The following PIWIL3 variants were observed in gnomAD, a reference collection of about 807,000 sequenced individuals.
PIWIL3 encodes the protein piwi like RNA-mediated gene silencing 3, also known as piwi-like protein 3.
PIWIL3 carries 101 observed loss-of-function variants against 109.7 expected under a neutral mutation model. The observed-to-expected ratio is 0.92, with a 90% CI of 0.78 to 1.09. PIWIL3 has a LOEUF of 1.09. PIWIL3 is among the 50% of genes least tolerant of loss of function. The probability of loss-of-function intolerance (pLI) is 0.00; values close to 1 mark genes in which losing one functional copy is unlikely to be tolerated. For synonymous variants in PIWIL3, 373 were observed against 376.4 expected (o/e 0.99, Z 0.10); for missense variants, 1,031 against 1,072.6 (o/e 0.96, Z 0.54).
At chr22:24,743,454 A>C (rs370079766) in intron 12 of PIWIL3, among the ~76,000 whole-genome samples, 9 of 152,350 alleles carry the variant, frequency 5.9e-5, no homozygotes, top group African/African-American at 2.2e-4. Context: ...ATGTTCAGTC[A>C]ATGAGTAGAT....
In PIWIL3 at chr22:24,748,925, G is replaced by A. The variant is rs201406937; in HGVS notation, c.1431C>T (p.Ile477=). 12 of 1,611,746 alleles carry A rather than the reference G, an allele frequency of 7.4e-6. No individual in the cohort carries two copies. The highest frequency in any genetic ancestry group is 3.4e-5 in the Admixed American group (2 of 59,616). The part of the protein sequence containing the change: ...VPGRVLKNAN[I]VQGRRMVKAN... ...GTCTTACCATTCTTCTGCCTTGCAC[G>A]ATGTTTGCGTTTTTCAAAACTCTTC... Residue 477 remains isoleucine (I), a synonymous_variant, in exon 12 of 21, where the codon ATC becomes ATT. Coordinates refer to ENST00000616349, the MANE Select transcript of PIWIL3 (RefSeq NM_001255975.1).
chr22:24,760,034 GT>G, intron 2 of PIWIL3, 45 bp from the exon 3 acceptor site: 1 of 1,606,496 alleles, frequency 6.2e-7, no homozygotes, highest in Non-Finnish European at 8.5e-7. Flanking sequence ...GCCCTACTGT[GT>G]TCATTCTCCC....
rs61083377 is a variant in PIWIL3, at chr22:24,756,504, G to A, written c.557C>T (p.Pro186Leu). Residue 186 changes from proline to leucine, a missense_variant, in exon 5 of 21, where the codon CCA becomes CTA. Transcript: ENST00000616349. ...FDGNSLLLSRPLKERRVEWLS... is the reference protein window; with the variant it reads ...FDGNSLLLSRLLKERRVEWLS... ...ACATTACTTAACCCGCTCTTTTAGT[G>A]GCCGAGATAATAATAAAGAGTTTCC... 2.2e-3 allele frequency: 3,602 copies of A among 1,613,252 alleles called. 64 individuals are homozygous for A. The African/African-American group carries it at 0.041, about 19-fold the overall frequency.
intron 12 of PIWIL3, among the ~76,000 whole-genome samples, chr22:24,744,358 G>A (rs1924227327): frequency 6.6e-6 from 1 of 151,914 alleles, no homozygotes; most frequent in Non-Finnish European, 1.5e-5. Flanking sequence ...GAATCACAAG[G>A]TCAGGAGTTC....
At chr22:24,758,704 TTA>T (rs1601848117) in intron 3 of PIWIL3, among the ~76,000 whole-genome samples, 1 of 152,198 alleles carries the variant, frequency 6.6e-6, no homozygotes, top group African/African-American at 2.4e-5. Flanking sequence ...AGTTTTTAGT[TTA>T]TGATGATCTT....
Position 24,749,476 on chromosome 22 carries a change from A to G in PIWIL3, c.1262T>C (p.Leu421Ser). 6.2e-7 allele frequency: 1 copy of G among 1,613,798 alleles called. No homozygotes were observed. The highest frequency in any genetic ancestry group is 1.1e-5 in the South Asian group (1 of 91,074). ...ICKDYSIVKELAKHTRLSPRR... is the reference protein window; with the variant it reads ...ICKDYSIVKESAKHTRLSPRR... Reference sequence around the variant, plus strand: ...TGGACTCAATCTTGTATGTTTAGCCAATTCTTTCACAATGCTATAATCTTT... The same window carrying G: ...TGGACTCAATCTTGTATGTTTAGCCGATTCTTTCACAATGCTATAATCTTT... Residue 421 changes from leucine to serine, a missense_variant, in exon 11 of 21, where the codon TTG becomes TCG. Physicochemically the swap from Leu to Ser is moderately radical, Grantham distance 145. Coordinates refer to ENST00000616349, the MANE Select transcript of PIWIL3 (RefSeq NM_001255975.1).
chr22:24,753,403 T>C (rs1924824616), intron 8 of PIWIL3, among the ~76,000 whole-genome samples: 3 of 152,220 alleles, frequency 2.0e-5, no homozygotes, highest in Non-Finnish European at 2.9e-5. Context: ...CTTTCCCCTA[T>C]TGAATTGCCT....
chr22:24,755,968 G>A (rs1446169060), intron 5 of PIWIL3, 63 bp from the exon 6 acceptor site: 7 of 1,548,392 alleles, frequency 4.5e-6, no homozygotes, highest in Non-Finnish European at 5.3e-6. Flanking sequence ...AAACTTCATT[G>A]CACGGCAAAT....
chr22:24,749,325 T>C (rs1434328863), intron 11 of PIWIL3, 79 bp downstream of exon 11: 1 of 1,563,780 alleles, frequency 6.4e-7, no homozygotes. Flanking sequence ...GAATCTGACA[T>C]GCCAGGGCTG....
At chr22:24,733,080 C>T (rs1923447969) in intron 14 of PIWIL3, among the ~76,000 whole-genome samples, 1 of 152,182 alleles carries the variant, frequency 6.6e-6, no homozygotes, top group African/African-American at 2.4e-5. Flanking sequence ...GCAGACATTA[C>T]ATTTCAGAAT....
At chr22:24,754,622 T>C (rs1924911013) in intron 7 of PIWIL3, among the ~76,000 whole-genome samples, 162 bp downstream of exon 7, 1 of 152,214 alleles carries the variant, frequency 6.6e-6, no homozygotes, top group Admixed American at 6.5e-5. Flanking sequence ...TTAAAGTAAC[T>C]CTTACTGAGT....
At chr22:24,745,172 G>A (rs1924279737) in intron 12 of PIWIL3, among the ~76,000 whole-genome samples, 1 of 152,152 alleles carries the variant, frequency 6.6e-6, no homozygotes, top group South Asian at 2.1e-4. Context: ...TGAAACAAAT[G>A]ATAATGAAAC....
intron 14 of PIWIL3, among the ~76,000 whole-genome samples, chr22:24,731,322 G>C (rs889202043): frequency 3.3e-5 from 5 of 152,170 alleles, no homozygotes; most frequent in Non-Finnish European, 7.3e-5. Flanking sequence ...TCCAGAAGAA[G>C]GTCTTCAGGA....
At chr22:24,734,874 G>A (rs1438276997) in intron 13 of PIWIL3, among the ~76,000 whole-genome samples, 1 of 150,560 alleles carries the variant, frequency 6.6e-6, no homozygotes, top group East Asian at 1.9e-4. Flanking sequence ...TTAGGTTCAG[G>A]GGTACACATG....
intron 7 of PIWIL3, 87 bp from the exon 8 acceptor site, chr22:24,754,304 G>C: frequency 9.6e-7 from 1 of 1,044,446 alleles, no homozygotes; most frequent in Non-Finnish European, 1.4e-6. Flanking sequence ...CTAAAAATTG[G>C]TACTTAGGAG....
chr22:24,757,908 C>T lies in PIWIL3; in HGVS notation c.355G>A (p.Gly119Ser), dbSNP rs866867925. The T allele has an allele frequency of 6.3e-7, 1 of 1,598,854 alleles. No individual in the cohort carries two copies. The highest frequency in any genetic ancestry group is 8.5e-7 in the Non-Finnish European group (1 of 1,176,044). The part of the protein sequence containing the change: ...DMKHVKDSKT[G>S]SEGTVVQLLA... ...AACATTGAGTTCTAGACCAACATAC[C>T]TGTTTTTGAGTCTTTAACATGCTTC... The change falls in exon 4 of 21, where the codon GGT becomes AGT. Residue 119 changes from glycine (G) to serine (S), a missense_variant and splice_region_variant. Coordinates refer to ENST00000616349, the MANE Select transcript of PIWIL3 (RefSeq NM_001255975.1).
rs201393361 is a variant in PIWIL3, at chr22:24,751,385, A to G, written c.1089+2T>C. 1.3e-6 allele frequency: 2 copies of G among 1,597,926 alleles called. No homozygotes were observed. The highest frequency in any genetic ancestry group is 1.7e-6 in the Non-Finnish European group (2 of 1,175,190). ...TATATTTAAAGAAATACAGTTTCATACCTGCCTGTAGTAGTCTATATAGGT... is the reference window on the plus strand; with the variant it reads ...TATATTTAAAGAAATACAGTTTCATGCCTGCCTGTAGTAGTCTATATAGGT... On this transcript the variant is annotated splice_donor_variant, in intron 9 of 20. Transcript: ENST00000616349. LOFTEE classifies it high-confidence loss of function.
chr22:24,719,402 A>G lies in PIWIL3; in HGVS notation c.*70T>C, dbSNP rs1922526336. 1 of 1,206,542 alleles carries G rather than the reference A, an allele frequency of 8.3e-7. No individual in the cohort carries two copies. The highest frequency in any genetic ancestry group is 1.2e-6 in the Non-Finnish European group (1 of 859,296). 74.7% of individuals were successfully genotyped at this position (1,206,542 alleles called of 1,614,324 possible). On this transcript the variant is annotated 3_prime_UTR_variant, in exon 21 of 21. Transcript: ENST00000616349. ...ATGGACCTAGGAAAATATTTCAGAC[A>G]TCCTGCTTCAAAAGGAAGACAGGCT...
chr22:24,771,991 G>A (rs1269191401), intron 1 of PIWIL3, among the ~76,000 whole-genome samples: 2 of 152,102 alleles, frequency 1.3e-5, no homozygotes, highest in African/African-American at 4.8e-5. Flanking sequence ...CACTGTGCCC[G>A]GCCTATTTCT....
Sources: allele counts gnomAD v4.1 joint callset (sites outside exome capture counted in the v4.1 genomes callset), GRCh38; gene constraint gnomAD v4.1.1; transcripts MANE v1.5; gene names NCBI Gene and HGNC (gene_info 2026-07-23, HGNC 2026-07-21).